The following PCDHA8 variants were observed in gnomAD, a reference collection of about 807,000 sequenced individuals.
The protein encoded by PCDHA8 is protocadherin alpha 8, also known as protocadherin alpha-8.
In PCDHA8, 53 loss-of-function variants were observed where a neutral mutation model predicts 61.8. That is an observed-to-expected ratio of 0.86 (90% CI 0.69 to 1.08). The LOEUF is 1.08. Ranked by LOEUF, PCDHA8 falls within the 50% of genes least tolerant of loss-of-function variation. PCDHA8 has a pLI of 0.00. For missense variants in PCDHA8, 1,293 were observed against 1,245.0 expected (o/e 1.04, Z -0.58); for synonymous variants, 618 against 556.6 (o/e 1.11, Z -1.55).
chr5:140,929,580 T>A (rs1035039235), intron 1 of PCDHA8: 13 of 442,122 alleles, frequency 2.9e-5, no homozygotes, highest in African/African-American at 1.0e-4. Context: ...AAAAGTAATA[T>A]GACATAAAGG....
rs1168797267 is a variant in PCDHA8 at position 140,843,521 on chromosome 5, G to A, written c.2200G>A (p.Ala734Thr). The change falls in exon 1 of 4, where the codon GCG (alanine) becomes ACG (threonine). Residue 734 changes from alanine to threonine, a missense_variant. Coordinates refer to ENST00000531613, the MANE Select transcript of PCDHA8 (RefSeq NM_018911.3). Reference protein sequence around the residue: ...SALPTEGGCRAGKPTLVCSSA... With the variant: ...SALPTEGGCRTGKPTLVCSSA... ...ACTGCCCACTGAGGGCGGGTGCCGG[G>A]CGGGCAAGCCCACTCTGGTGTGCTC... is the stretch of plus-strand genomic sequence containing the variant. The A allele has an allele frequency of 6.3e-7, 1 of 1,595,866 alleles. No individual in the cohort carries two copies. The highest frequency in any genetic ancestry group is 8.6e-7 in the Non-Finnish European group (1 of 1,165,582).
chr5:140,943,321 G>A (rs1012061757), intron 1 of PCDHA8, among the ~76,000 whole-genome samples: 4 of 150,454 alleles, frequency 2.7e-5, no homozygotes, highest in Non-Finnish European at 5.9e-5. Context: ...TAGCAATATT[G>A]TGTAGTATCC....
chr5:140,925,641 TATAATAATA>T (rs10569930), intron 1 of PCDHA8, among the ~76,000 whole-genome samples: 3,728 of 143,338 alleles, frequency 0.026, 107 homozygotes, highest in African/African-American at 0.059. Context: ...GAACTTAAAG[TATAATAATA>T]ATAATAATAA....
Position 141,011,476 on chromosome 5 carries a change from A to G in PCDHA8, c.*1539A>G, listed in dbSNP as rs2098420741. On this transcript the variant is annotated 3_prime_UTR_variant, in exon 4 of 4. Coordinates refer to ENST00000531613, the MANE Select transcript of PCDHA8 (RefSeq NM_018911.3). ...CTTTATTGTTGAATGTAATTCCATT[A>G]TATTTCCTTTTGTACACCTGTGAAA... 1 of 153,776 alleles carries G rather than the reference A, an allele frequency of 6.5e-6. No homozygotes were observed. 9.5% of individuals were successfully genotyped at this position (153,776 alleles called of 1,614,324 possible). A position where few individuals can be genotyped will look rare whatever the true frequency, so the allele number is the denominator to read the frequency against.
intron 1 of PCDHA8, chr5:140,856,523 G>T: frequency 6.3e-7 from 1 of 1,598,526 alleles, no homozygotes; most frequent in Non-Finnish European, 8.6e-7. Context: ...CGCATCTGAT[G>T]CGGATGTTGG....
At position 140,884,402 on chromosome 5, in the gene PCDHA8, G is replaced by T. The variant is rs782512270; in HGVS notation, c.2394+40687G>T. 2.6e-5 allele frequency: 42 copies of T among 1,613,886 alleles called. 1 individual carries two copies. The Middle Eastern group carries it at 1.3e-3, about 51-fold the overall frequency. The stretch of plus-strand genomic sequence containing the variant: ...CATCTGCGCGGTGTCCAGCCTGTTG[G>T]TGCTCACGTTGCTGCTGTATACTGC... On this transcript the variant is annotated intron_variant, in intron 1 of 3. Coordinates refer to ENST00000531613, the MANE Select transcript of PCDHA8 (RefSeq NM_018911.3).
chr5:140,954,225 A>C (rs1554221300), intron 1 of PCDHA8, among the ~76,000 whole-genome samples: 2 of 152,242 alleles, frequency 1.3e-5, no homozygotes, highest in African/African-American at 4.8e-5. Context: ...TGCTATTGTG[A>C]ATAGTGCTGC....
At position 140,850,251 on chromosome 5, in the gene PCDHA8, G is replaced by T. The variant is rs1562466738; in HGVS notation, c.2394+6536G>T. 1.1e-5 allele frequency: 18 copies of T among 1,594,126 alleles called. 3 individuals are homozygous for T. The highest frequency in any genetic ancestry group is 1.4e-5 in the Non-Finnish European group (16 of 1,167,218). On this transcript the variant is annotated intron_variant, in intron 1 of 3. Coordinates refer to ENST00000531613, the MANE Select transcript of PCDHA8 (RefSeq NM_018911.3). ...GAGCGAGATGGTGCTGCGGTCGGTG[G>T]GCGCCGGCGTAGTGGTGGGGAAGGT...
At chr5:140,973,800 C>A (rs1554235613) in intron 1 of PCDHA8, among the ~76,000 whole-genome samples, 1 of 152,236 alleles carries the variant, frequency 6.6e-6, no homozygotes, top group Non-Finnish European at 1.5e-5. Context: ...ATGCTGTCTA[C>A]TTGACAGAAT....
intron 1 of PCDHA8, chr5:140,871,711 T>C (rs1554165833): frequency 1.2e-6 from 1 of 815,266 alleles, no homozygotes; most frequent in Middle Eastern, 3.7e-4. Flanking sequence ...ATAAATGTCC[T>C]ATTTCTCTTA....
chr5:140,848,252 G>C (rs188149099), intron 1 of PCDHA8: 1 of 468,304 alleles, frequency 2.1e-6, no homozygotes, highest in African/African-American at 2.0e-5. Flanking sequence ...CAGAATAACT[G>C]TGAAATTTTT....
chr5:140,851,342 C>G, intron 1 of PCDHA8: 1 of 978,740 alleles, frequency 1.0e-6, no homozygotes, highest in Non-Finnish European at 1.2e-6. Context: ...CTCTACATTT[C>G]TCTGGATGGA....
intron 1 of PCDHA8, chr5:140,858,620 C>T (rs570456010): frequency 8.8e-7 from 1 of 1,142,316 alleles, no homozygotes; most frequent in Non-Finnish European, 1.2e-6. Context: ...TTATCCTACC[C>T]AGTGTGTCAG....
chr5:140,842,493 C>T lies in PCDHA8; in HGVS notation c.1172C>T (p.Pro391Leu), dbSNP rs1554139100. Residue 391 changes from proline (P) to leucine (L), a missense_variant, in exon 1 of 4, where the codon CCC (proline) becomes CTC (leucine). Transcript: ENST00000531613. ...ANGQVTCSLM[P>L]HVPFKLVSTF... ...GGGCAGGTGACCTGCTCCCTGATGC[C>T]CCATGTCCCCTTCAAGCTGGTGTCC... The T allele has an allele frequency of 6.2e-7, 1 of 1,613,738 alleles. No homozygotes were observed. The highest frequency in any genetic ancestry group is 8.5e-7 in the Non-Finnish European group (1 of 1,179,824).
intron 3 of PCDHA8, among the ~76,000 whole-genome samples, chr5:140,988,281 A>G (rs2097291171): frequency 2.0e-5 from 3 of 152,202 alleles, no homozygotes; most frequent in Admixed American, 2.0e-4. Context: ...GTCACCTGCC[A>G]TCTGACAGCC....
In PCDHA8 at chr5:140,982,477, C is replaced by G. The variant is rs782587733; in HGVS notation, c.2456C>G (p.Ser819Cys). ...SASLRAGMHS[S>C]VHLEEAGILR... ...TCTGGGTCTGTGTGTTTATTCAGCT[C>G]TGTGCACCTAGAGGAGGCTGGCATT... is the stretch of plus-strand genomic sequence containing the variant. Residue 819 changes from serine to cysteine, a missense_variant and splice_region_variant, in exon 3 of 4, where the codon TCT (serine) becomes TGT (cysteine). Coordinates refer to ENST00000531613, the MANE Select transcript of PCDHA8 (RefSeq NM_018911.3). 2 of 1,614,188 alleles carry G rather than the reference C, an allele frequency of 1.2e-6. No homozygotes were observed. Among genetic ancestry groups the G allele is most frequent in the Non-Finnish European group, 1.7e-6 (2 of 1,180,030 alleles).
chr5:140,863,748 C>G (rs1221413981), intron 1 of PCDHA8: 1 of 241,166 alleles, frequency 4.1e-6, no homozygotes, highest in Non-Finnish European at 8.2e-6. Flanking sequence ...TTTGTAATCC[C>G]GGCACTTTGG....
At position 140,876,514 on chromosome 5, in the gene PCDHA8, C is replaced by T. The variant is rs782076196; in HGVS notation, c.2394+32799C>T. ...AGTTCTGGACGTGAATGACAATGTC[C>T]CTGAAGTAATGGTTACTTCACTGTC... On this transcript the variant is annotated intron_variant, in intron 1 of 3. Coordinates refer to ENST00000531613, the MANE Select transcript of PCDHA8 (RefSeq NM_018911.3). 2.5e-6 allele frequency: 4 copies of T among 1,614,026 alleles called. No homozygotes were observed. In the Admixed American group the frequency reaches 6.7e-5, roughly 27 times the overall value.
chr5:140,871,643 C>G (rs1432039358), intron 1 of PCDHA8: 1 of 1,293,296 alleles, frequency 7.7e-7, no homozygotes, highest in Admixed American at 2.9e-5. Flanking sequence ...TCATAAAATA[C>G]CAAATGATAC....
Sources: gnomAD v4.1 joint callset for allele counts (sites outside exome capture counted in the v4.1 genomes callset) on GRCh38, gnomAD v4.1.1 for gene constraint, MANE v1.5 for transcripts, NCBI Gene and HGNC (gene_info 2026-07-23, HGNC 2026-07-21) for gene names.